Variants in GFRA2 observed in about 807,000 individuals in gnomAD.
The protein encoded by GFRA2 is GDNF family receptor alpha 2.
Under a neutral mutation model 48.3 loss-of-function variants are expected in GFRA2, and 17 were observed. The ratio of observed to expected loss-of-function variants is 0.35; its 90% confidence interval spans 0.24 to 0.53. The LOEUF is 0.53. Ranked by LOEUF, GFRA2 falls within the 20% of genes least tolerant of loss-of-function variation. The pLI is 0.93. For synonymous variants in GFRA2, 305 were observed against 257.2 expected, an observed-to-expected ratio of 1.19 and a Z score of -1.78; for missense variants, 660 against 637.3, an observed-to-expected ratio of 1.04 and a Z score of -0.38.
intron 3 of GFRA2, among the ~76,000 whole-genome samples, chr8:21,767,511 T>C (rs1410702559): frequency 6.6e-6 from 1 of 152,206 alleles, no homozygotes; most frequent in Admixed American, 6.5e-5. Flanking sequence ...CACAACCTGT[T>C]TTCTGAGCCG....
intron 7 of GFRA2, among the ~76,000 whole-genome samples, chr8:21,695,680 C>G (rs1206284500): frequency 6.6e-6 from 1 of 152,170 alleles, no homozygotes; most frequent in Non-Finnish European, 1.5e-5. Context: ...CTTCCAGACC[C>G]AAGGCCTGGA....
chr8:21,759,214 C>G (rs889801058), intron 3 of GFRA2, among the ~76,000 whole-genome samples: 1 of 151,870 alleles, frequency 6.6e-6, no homozygotes, highest in Non-Finnish European at 1.5e-5. Flanking sequence ...GGCAAAACCC[C>G]GTCTCTACTA....
chr8:21,791,875 G>C (rs1015557743), upstream of GFRA2, among the ~76,000 whole-genome samples: 112 of 152,342 alleles, frequency 7.4e-4, 1 homozygote, highest in African/African-American at 2.5e-3. Flanking sequence ...AGCAGCTGTC[G>C]TAAGAGGTAG....
At chr8:21,793,866 GTTTT>G (rs770753159), upstream of GFRA2, among the ~76,000 whole-genome samples, 2 of 135,334 alleles carry the variant, frequency 1.5e-5, no homozygotes. Context: ...GAGAATCAAA[GTTTT>G]TTTTTTTTTT....
chr8:21,759,493 G>GGAA (rs1805781911), intron 3 of GFRA2, among the ~76,000 whole-genome samples: 1 of 92,246 alleles, frequency 1.1e-5, no homozygotes, highest in Non-Finnish European at 2.2e-5. Context: ...AAAGAAGGAA[G>GGAA]GAAGGAAGGA....
At chr8:21,776,796 C>A (rs1806729229) in intron 2 of GFRA2, among the ~76,000 whole-genome samples, 1 of 152,058 alleles carries the variant, frequency 6.6e-6, no homozygotes, top group East Asian at 1.9e-4. Context: ...CGGCCCATAT[C>A]TGATCCCACC....
At chr8:21,733,203 G>A (rs1482410017) in intron 4 of GFRA2, among the ~76,000 whole-genome samples, 2 of 152,200 alleles carry the variant, frequency 1.3e-5, no homozygotes, top group Middle Eastern at 3.4e-3. Context: ...CCGCATCCCA[G>A]GTACCCACCT....
chr8:21,787,632 G>A (rs1266785536), intron 1 of GFRA2, among the ~76,000 whole-genome samples: 1 of 152,200 alleles, frequency 6.6e-6, no homozygotes, highest in African/African-American at 2.4e-5. Context: ...GTCCAAGCGG[G>A]AGCCGCCGGA....
rs146857990 is a variant in GFRA2, at chr8:21,749,204, G to A, written c.794+1384C>T. Among the ~76,000 whole-genome samples the A allele has an allele frequency of 9.2e-3, 1,373 of 149,550 alleles. 26 individuals carry two copies. Among genetic ancestry groups the A allele is most frequent in the African/African-American group, 0.032 (1,292 of 40,496 alleles). On this transcript the variant is annotated intron_variant, in intron 4 of 8. Transcript: ENST00000524240. ...TTATATAGAGCCAAACTTCAACTTA[G>A]TATAACCATGCACCACCACCCGCCC...
At chr8:21,767,338 CAT>C (rs1324500061) in intron 3 of GFRA2, among the ~76,000 whole-genome samples, 1 of 152,206 alleles carries the variant, frequency 6.6e-6, no homozygotes, top group Non-Finnish European at 1.5e-5. Flanking sequence ...CACACACACA[CAT>C]CCTACCATGC....
At chr8:21,712,805 G>A (rs1341912959) in intron 4 of GFRA2, among the ~76,000 whole-genome samples, 2 of 152,224 alleles carry the variant, frequency 1.3e-5, no homozygotes, top group Non-Finnish European at 2.9e-5. Flanking sequence ...AGGAGCTGGA[G>A]ACCAGCCCGG....
intron 7 of GFRA2, among the ~76,000 whole-genome samples, chr8:21,698,320 G>A (rs1301669624): frequency 1.3e-5 from 2 of 152,204 alleles, no homozygotes; most frequent in Non-Finnish European, 2.9e-5. Flanking sequence ...ACTGGGGGAA[G>A]GACGCAGAAA....
At chr8:21,793,959 G>A (rs980793505) in intron 2 of GFRA2, among the ~76,000 whole-genome samples, 1 of 151,182 alleles carries the variant, frequency 6.6e-6, no homozygotes, top group Non-Finnish European at 1.5e-5. Flanking sequence ...GACTTCCTGG[G>A]CTCAAGTCAT....
intron 4 of GFRA2, among the ~76,000 whole-genome samples, chr8:21,733,660 C>T (rs1291035532): frequency 6.6e-6 from 1 of 152,228 alleles, no homozygotes; most frequent in Admixed American, 6.5e-5. Flanking sequence ...CTCTCTGCAG[C>T]ATTCAGAAAA....
intron 2 of GFRA2, among the ~76,000 whole-genome samples, chr8:21,796,554 C>T (rs1035993482): frequency 1.3e-5 from 2 of 152,406 alleles, no homozygotes; most frequent in Non-Finnish European, 2.9e-5. Flanking sequence ...AAAACAGAAA[C>T]TAGTGTTTCT....
At chr8:21,758,045 C>T (rs567762114) in intron 3 of GFRA2, among the ~76,000 whole-genome samples, 74 of 152,280 alleles carry the variant, frequency 4.9e-4, no homozygotes, top group Non-Finnish European at 8.8e-4. Flanking sequence ...GGCACTTGAC[C>T]TCTGGTGCAT....
chr8:21,801,542 A>G (rs1019019714), intron 2 of GFRA2, among the ~76,000 whole-genome samples: 1 of 26,670 alleles, frequency 3.7e-5, no homozygotes, highest in Non-Finnish European at 7.9e-5. Context: ...CACCCCACCC[A>G]CCCCACCCAC....
At chr8:21,796,191 A>G (rs1807672727) in intron 2 of GFRA2, among the ~76,000 whole-genome samples, 2 of 152,308 alleles carry the variant, frequency 1.3e-5, no homozygotes, top group South Asian at 4.1e-4. Flanking sequence ...TATACTGGCT[A>G]CACCCCAGCC....
At chr8:21,703,693 C>T (rs554420755) in intron 6 of GFRA2, among the ~76,000 whole-genome samples, 19 of 152,264 alleles carry the variant, frequency 1.2e-4, no homozygotes, top group African/African-American at 4.3e-4. Context: ...GAGGGTCACC[C>T]TTGGTGCCTC....
Sources: gnomAD v4.1 joint callset for allele counts (sites outside exome capture counted in the v4.1 genomes callset) on GRCh38, gnomAD v4.1.1 for gene constraint, MANE v1.5 for transcripts, NCBI Gene and HGNC (gene_info 2026-07-23, HGNC 2026-07-21) for gene names.